Variants in SYT16 observed in about 807,000 individuals in gnomAD.
SYT16 encodes the protein synaptotagmin 16.
In SYT16, 42 loss-of-function variants were observed where a neutral mutation model predicts 61.4. The ratio of observed to expected loss-of-function variants is 0.68; its 90% CI spans 0.53 to 0.89. SYT16 has a LOEUF of 0.89. SYT16 is among the 40% of genes least tolerant of loss of function. The probability of loss-of-function intolerance (pLI) is 0.00; values close to 1 mark genes in which losing one functional copy is unlikely to be tolerated. For missense variants in SYT16, 804 were observed against 807.3 expected (o/e 1.00, Z 0.05); for synonymous variants, 314 against 302.3 (o/e 1.04, Z -0.40).
rs184966301 is a variant in SYT16, at chr14:61,888,213, G to A, written c.-325+75403G>A. 4.5e-3 allele frequency among the ~76,000 whole-genome samples: 671 copies of A among 149,268 alleles called. 5 individuals carry two copies. The highest frequency in any genetic ancestry group is 0.016 in the African/African-American group (640 of 40,344). On this transcript the variant is annotated intron_variant, in intron 1 of 7. Coordinates refer to ENST00000683842, the MANE Select transcript of SYT16 (RefSeq NM_001367656.1). Reference sequence around the variant, plus strand: ...GCTCACTGCAACCTCCGTCTCCCACGTTCTAACGATTCTCCTGCCTCAGCC... The same window carrying A: ...GCTCACTGCAACCTCCGTCTCCCACATTCTAACGATTCTCCTGCCTCAGCC...
intron 6 of SYT16, among the ~76,000 whole-genome samples, chr14:62,083,033 G>A (rs1007639979): frequency 1.3e-5 from 2 of 152,278 alleles, no homozygotes; most frequent in African/African-American, 4.8e-5. Flanking sequence ...TCTCACTTAA[G>A]AGTAAGCAAA....
chr14:61,915,665 C>T (rs1227391625), intron 1 of SYT16, among the ~76,000 whole-genome samples: 1 of 152,102 alleles, frequency 6.6e-6, no homozygotes, highest in Non-Finnish European at 1.5e-5. Flanking sequence ...GAACAGATTT[C>T]TACTCTAAAG....
At chr14:61,982,584 GGAGCTA>G (rs1195534154) in intron 2 of SYT16, among the ~76,000 whole-genome samples, 1 of 152,092 alleles carries the variant, frequency 6.6e-6, no homozygotes, top group Non-Finnish European at 1.5e-5. Context: ...GGGAATTATG[GGAGCTA>G]CAGTTCAAGA....
intron 1 of SYT16, among the ~76,000 whole-genome samples, chr14:61,836,228 T>G (rs1393217918): frequency 6.6e-6 from 1 of 152,222 alleles, no homozygotes; most frequent in Non-Finnish European, 1.5e-5. Context: ...TCCTGGGGGT[T>G]GATTTCTCAT....
chr14:62,051,408 C>A (rs545160641), intron 3 of SYT16, among the ~76,000 whole-genome samples: 56 of 152,356 alleles, frequency 3.7e-4, no homozygotes, highest in African/African-American at 1.3e-3. Context: ...TCCCTGACCC[C>A]TTGCACTTCC....
chr14:62,091,284 T>C (rs1214600478), intron 7 of SYT16, among the ~76,000 whole-genome samples: 1 of 152,034 alleles, frequency 6.6e-6, no homozygotes, highest in East Asian at 1.9e-4. Flanking sequence ...AATAAAGATA[T>C]TTTCCACAAA....
intron 1 of SYT16, among the ~76,000 whole-genome samples, chr14:61,860,801 C>G (rs1292210245): frequency 6.6e-6 from 1 of 152,138 alleles, no homozygotes; most frequent in Non-Finnish European, 1.5e-5. Context: ...GTGTTTTTCT[C>G]CAGCCTTGTT....
chr14:62,018,545 G>A (rs2053792102), intron 3 of SYT16, among the ~76,000 whole-genome samples: 1 of 151,852 alleles, frequency 6.6e-6, no homozygotes, highest in South Asian at 2.1e-4. Flanking sequence ...GACCTCAGGT[G>A]ATCCGCCCAC....
At chr14:62,018,298 C>CTTCTTTTTT (rs1566768738) in intron 3 of SYT16, among the ~76,000 whole-genome samples, 1 of 51,642 alleles carries the variant, frequency 1.9e-5, no homozygotes, top group Non-Finnish European at 3.3e-5. Flanking sequence ...TCTTCTTCTT[C>CTTCTTTTTT]TTTTTTTTTT....
At chr14:61,893,835 C>T (rs2048223203) in intron 1 of SYT16, among the ~76,000 whole-genome samples, 1 of 152,234 alleles carries the variant, frequency 6.6e-6, no homozygotes, top group Non-Finnish European at 1.5e-5. Flanking sequence ...AGGTAGGTCC[C>T]ATGTCCCCCG....
chr14:61,995,723 G>A (rs1345616889), intron 2 of SYT16, 153 bp from the exon 3 acceptor site: 1 of 293,274 alleles, frequency 3.4e-6, no homozygotes, highest in African/African-American at 2.2e-5. Context: ...TCTACATCTA[G>A]ACTTTCACAG....
At position 61,852,680 on chromosome 14, in the gene SYT16, A is replaced by G. The variant is rs187429523; in HGVS notation, c.-325+39870A>G. On this transcript the variant is annotated intron_variant, in intron 1 of 7. Coordinates refer to ENST00000683842, the MANE Select transcript of SYT16 (RefSeq NM_001367656.1). ...TAGGTATTTTATTCTTTTTGTGGCA[A>G]TTGTGAGTGGCAATTCATTCATGAT... is the stretch of plus-strand genomic sequence containing the variant. Among the ~76,000 whole-genome samples, 568 of 152,136 alleles carry G rather than the reference A, an allele frequency of 3.7e-3. 2 individuals are homozygous for G. Among genetic ancestry groups the G allele is most frequent in the Non-Finnish European group, 6.5e-3 (442 of 67,986 alleles).
intron 1 of SYT16, among the ~76,000 whole-genome samples, chr14:61,939,129 G>T (rs2050108932): frequency 6.6e-6 from 1 of 151,912 alleles, no homozygotes; most frequent in African/African-American, 2.4e-5. Context: ...AGTGAGACTT[G>T]GTCTCAAATA....
chr14:61,826,868 T>C (rs1366647631), intron 1 of SYT16, among the ~76,000 whole-genome samples: 1 of 151,948 alleles, frequency 6.6e-6, no homozygotes, highest in Admixed American at 6.5e-5. Context: ...AACTTATAAA[T>C]ACCCCAACCC....
intron 1 of SYT16, among the ~76,000 whole-genome samples, chr14:61,904,360 T>C (rs1447836916): frequency 6.6e-6 from 1 of 152,226 alleles, no homozygotes; most frequent in Non-Finnish European, 1.5e-5. Flanking sequence ...GATGCCAGCT[T>C]CCTTTCAGGG....
chr14:61,948,104 A>G lies in SYT16; in HGVS notation c.-324-22028A>G, dbSNP rs139289986. Among the ~76,000 whole-genome samples, 250 of 152,222 alleles carry G rather than the reference A, an allele frequency of 1.6e-3. 1 individual carries two copies. The highest frequency in any genetic ancestry group is 5.7e-3 in the African/African-American group (235 of 41,554). ...AGTCTTGAATGTTATAATATTTTGA[A>G]CTTTAAATTTTAGAGGAGAGCCCTA... On this transcript the variant is annotated intron_variant, in intron 1 of 7. Transcript: ENST00000683842.
At chr14:61,982,951 T>A (rs184624481) in intron 2 of SYT16, among the ~76,000 whole-genome samples, 7 of 152,258 alleles carry the variant, frequency 4.6e-5, no homozygotes, top group Admixed American at 2.0e-4. Flanking sequence ...AGAGGACTAT[T>A]GGGGTTTTGT....
At chr14:62,058,529 A>G (rs1431031218) in intron 3 of SYT16, among the ~76,000 whole-genome samples, 1 of 151,316 alleles carries the variant, frequency 6.6e-6, no homozygotes, top group Non-Finnish European at 1.5e-5. Context: ...ATGCCCAGCT[A>G]ATTTTTGTAT....
intron 3 of SYT16, among the ~76,000 whole-genome samples, chr14:62,066,218 T>C (rs1008596875): frequency 1.3e-5 from 2 of 152,194 alleles, no homozygotes; most frequent in Non-Finnish European, 2.9e-5. Context: ...CACTAGTTAA[T>C]GTGAGTACAC....
Sources: allele counts gnomAD v4.1 joint callset (sites outside exome capture counted in the v4.1 genomes callset), GRCh38; gene constraint gnomAD v4.1.1; transcripts MANE v1.5; gene names NCBI Gene and HGNC (gene_info 2026-07-23, HGNC 2026-07-21).